The following RBKS variants were observed in gnomAD, a reference collection of about 807,000 sequenced individuals.
The protein encoded by RBKS is ribokinase.
Under a neutral mutation model 33.9 loss-of-function variants are expected in RBKS, and 33 were observed. The observed-to-expected ratio is 0.97, with a 90% CI of 0.74 to 1.30. The LOEUF (loss-of-function observed/expected upper bound fraction) is 1.30. RBKS is among the 50% of genes most tolerant of loss of function. The pLI, the probability that RBKS is intolerant of heterozygous loss-of-function variation, is 0.00. For missense variants in RBKS, 361 were observed against 392.6 expected, an observed-to-expected ratio of 0.92 and a Z score of 0.68; for synonymous variants, 125 against 143.0, an observed-to-expected ratio of 0.87 and a Z score of 0.90.
intron 3 of RBKS, 123 bp from the exon 4 acceptor site, chr2:27,847,227 T>A: frequency 3.7e-6 from 2 of 542,958 alleles, no homozygotes; most frequent in Non-Finnish European, 3.3e-6. Context: ...TCTGGAATGA[T>A]AAAAAAAAAT....
intron 1 of RBKS, among the ~76,000 whole-genome samples, chr2:27,887,700 C>T (rs113121771): frequency 0.17 from 7,130 of 41,008 alleles, 601 homozygotes; most frequent in African/African-American, 0.32. Context: ...TGCTAATCAT[C>T]AGTAAAATTT....
At chr2:27,876,521 C>T (rs1336586062) in intron 1 of RBKS, among the ~76,000 whole-genome samples, 5 of 152,138 alleles carry the variant, frequency 3.3e-5, no homozygotes, top group African/African-American at 1.2e-4. Flanking sequence ...TTCACTTACC[C>T]TTTCTTGAGG....
chr2:27,789,205 T>A (rs1677462006), intron 7 of RBKS, among the ~76,000 whole-genome samples: 1 of 152,180 alleles, frequency 6.6e-6, no homozygotes. Flanking sequence ...AAGGTATAGG[T>A]TGAGTATCCC....
intron 1 of RBKS, among the ~76,000 whole-genome samples, chr2:27,884,591 G>A (rs541982336): frequency 3.3e-5 from 5 of 151,966 alleles, no homozygotes; most frequent in South Asian, 2.1e-4. Context: ...TGCTTCATCC[G>A]CTTTGGATCT....
chr2:27,816,830 CT>C (rs1678105820), intron 7 of RBKS, among the ~76,000 whole-genome samples: 1 of 152,172 alleles, frequency 6.6e-6, no homozygotes, highest in Non-Finnish European at 1.5e-5. Context: ...ATCTCCTGAC[CT>C]CGTGATCCAC....
intron 1 of RBKS, among the ~76,000 whole-genome samples, chr2:27,881,541 A>AAAAT (rs1369811325): frequency 1.3e-5 from 2 of 151,912 alleles, no homozygotes; most frequent in Non-Finnish European, 2.9e-5. Context: ...ACTCTGTCTC[A>AAAAT]AAATAAATAA....
chr2:27,871,381 C>T (rs912790454), intron 1 of RBKS, among the ~76,000 whole-genome samples: 5 of 152,264 alleles, frequency 3.3e-5, no homozygotes, highest in Non-Finnish European at 7.4e-5. Context: ...AGCTAGTTAC[C>T]ACATATTATA....
chr2:27,818,039 G>C (rs367997830), intron 7 of RBKS, among the ~76,000 whole-genome samples: 7 of 152,262 alleles, frequency 4.6e-5, no homozygotes, highest in African/African-American at 1.7e-4. Context: ...AGCTGGAGTT[G>C]CATCATGGTG....
At chr2:27,868,361 G>A (rs1573074094) in intron 1 of RBKS, among the ~76,000 whole-genome samples, 1 of 151,914 alleles carries the variant, frequency 6.6e-6, no homozygotes, top group East Asian at 1.9e-4. Flanking sequence ...CTGTTTTAGG[G>A]AAAAAGTGAG....
chr2:27,794,619 T>C (rs565509271), intron 7 of RBKS, among the ~76,000 whole-genome samples: 1,439 of 134,964 alleles, frequency 0.011, 11 homozygotes, highest in Non-Finnish European at 0.016. Context: ...CTTTCGTTTT[T>C]TTTTCTTTTT....
intron 5 of RBKS, among the ~76,000 whole-genome samples, chr2:27,839,589 A>G (rs1051199243): frequency 2.0e-5 from 3 of 152,226 alleles, no homozygotes; most frequent in Admixed American, 6.5e-5. Flanking sequence ...CTGGATTTTC[A>G]TAACTGATAT....
chr2:27,861,509 A>T (rs1663983321), intron 1 of RBKS: 1 of 471,098 alleles, frequency 2.1e-6, no homozygotes. Context: ...TCATGCACTA[A>T]TTCAACAAAT....
At chr2:27,867,832 T>C (rs1289865849) in intron 1 of RBKS, among the ~76,000 whole-genome samples, 1 of 152,120 alleles carries the variant, frequency 6.6e-6, no homozygotes, top group Non-Finnish European at 1.5e-5. Flanking sequence ...CTATTTTGGA[T>C]GGCAAAGGTA....
In RBKS at chr2:27,810,437, AC is replaced by A. The variant is rs1209700797; in HGVS notation, c.795+17129del. On this transcript the variant is annotated intron_variant, in intron 7 of 7. Coordinates refer to ENST00000302188, the MANE Select transcript of RBKS (RefSeq NM_022128.3). This position sits in a 1 kb window ranked among gnomAD's most constrained non-coding sequence, Gnocchi z 4.4. ...AGGCATACTGGATGGAAGGGCATTT[AC>A]CGGATGGAAGGGCATTTATGGATCA... Among the ~76,000 whole-genome samples, 1 of 152,142 alleles carries A rather than the reference AC, an allele frequency of 6.6e-6. No homozygotes were observed. Among genetic ancestry groups the A allele is most frequent in the Non-Finnish European group, 1.5e-5 (1 of 68,028 alleles).
intron 1 of RBKS, among the ~76,000 whole-genome samples, chr2:27,866,799 C>G (rs1320908754): frequency 6.6e-6 from 1 of 152,030 alleles, no homozygotes; most frequent in Non-Finnish European, 1.5e-5. Flanking sequence ...ATATTTGTAA[C>G]AGGTCTTTTA....
intron 7 of RBKS, among the ~76,000 whole-genome samples, chr2:27,799,232 G>A (rs1677727483): frequency 6.6e-6 from 1 of 152,158 alleles, no homozygotes; most frequent in Admixed American, 6.5e-5. Flanking sequence ...AGTGTAGCTG[G>A]GAAAAACCCC....
At chr2:27,785,946 T>C (rs1218624750) in intron 7 of RBKS, among the ~76,000 whole-genome samples, 3 of 152,178 alleles carry the variant, frequency 2.0e-5, no homozygotes, top group Non-Finnish European at 4.4e-5. Flanking sequence ...GTCTATCAAA[T>C]AGGATGAATA....
intron 6 of RBKS, among the ~76,000 whole-genome samples, chr2:27,832,118 C>T (rs894294112): frequency 3.3e-4 from 50 of 149,964 alleles, no homozygotes; most frequent in African/African-American, 1.1e-3. Context: ...TCTTATTGTA[C>T]CAGTTGATAG....
intron 1 of RBKS, among the ~76,000 whole-genome samples, chr2:27,888,382 C>T (rs940310191): frequency 7.9e-5 from 12 of 152,186 alleles, no homozygotes; most frequent in Non-Finnish European, 1.3e-4. Context: ...CCACCTTGGC[C>T]TCCCAAAGTG....
Sources: gnomAD v4.1 joint callset for allele counts (sites outside exome capture counted in the v4.1 genomes callset) on GRCh38, gnomAD v4.1.1 for gene constraint, Gnocchi (gnomAD v3.1) non-coding constraint, MANE v1.5 for transcripts, NCBI Gene and HGNC (gene_info 2026-07-23, HGNC 2026-07-21) for gene names.